ANKS1B: variants seen among roughly 807,000 people sequenced by gnomAD.
ANKS1B encodes ankyrin repeat and sterile alpha motif domain containing 1B, also known as ankyrin repeat and sterile alpha motif domain-containing protein 1B.
In ANKS1B, 36 loss-of-function variants were observed where a neutral mutation model predicts 148.3. The observed-to-expected ratio is 0.24, with a 90% CI of 0.19 to 0.32. ANKS1B has a LOEUF of 0.32. Ranked by LOEUF, ANKS1B falls within the 10% of genes least tolerant of loss-of-function variation. The pLI is 1.00. For synonymous variants in ANKS1B, 542 were observed against 560.8 expected, an observed-to-expected ratio of 0.97 and a Z score of 0.47; for missense variants, 1,157 against 1,542.6, an observed-to-expected ratio of 0.75 and a Z score of 4.19.
intron 12 of ANKS1B, among the ~76,000 whole-genome samples, chr12:99,305,888 C>T (rs2082274426): frequency 6.6e-6 from 1 of 152,148 alleles, no homozygotes; most frequent in Admixed American, 6.6e-5. Context: ...GCAGTGAACT[C>T]CTTTAATGGA....
intron 14 of ANKS1B, among the ~76,000 whole-genome samples, chr12:99,210,000 C>G (rs766032465): frequency 2.0e-5 from 3 of 152,180 alleles, no homozygotes; most frequent in Middle Eastern, 3.2e-3. Context: ...AAAGCTCTCT[C>G]ACCCTAAAAC....
intron 17 of ANKS1B, among the ~76,000 whole-genome samples, chr12:98,979,006 G>A (rs1018885901): frequency 6.6e-6 from 1 of 151,680 alleles, no homozygotes; most frequent in Admixed American, 6.6e-5. Flanking sequence ...GCCAGGCGTG[G>A]TGGCGGGCGC....
chr12:99,688,964 T>C (rs961040321), intron 8 of ANKS1B, among the ~76,000 whole-genome samples: 3 of 152,042 alleles, frequency 2.0e-5, no homozygotes, highest in African/African-American at 7.2e-5. Flanking sequence ...CCATTGTGTA[T>C]AAAAAAATTA....
At chr12:99,929,465 G>A (rs946074796) in intron 1 of ANKS1B, among the ~76,000 whole-genome samples, 3 of 152,098 alleles carry the variant, frequency 2.0e-5, no homozygotes, top group Admixed American at 6.6e-5. Context: ...CACTCTGATG[G>A]TAGTTTCTTT....
rs370624589 is a variant in ANKS1B at position 99,084,970 on chromosome 12, A to G, written c.2580T>C (p.Ser860=). Residue 860 remains serine (S), a synonymous_variant, in exon 16 of 27, where the codon TCT becomes TCC. Coordinates refer to ENST00000683438, the MANE Select transcript of ANKS1B (RefSeq NM_001352186.2). ...CCTGTAGAATTCTTTGTCTGTGCCC[A>G]GAATTAAGGATTCCAATTTCCAACA... ...QDLLEIGILN[S]GHRQRILQAI... is the part of the protein sequence containing the mutation. The G allele has an allele frequency of 2.1e-5, 34 of 1,611,106 alleles. No individual in the cohort carries two copies. Among genetic ancestry groups the G allele is most frequent in the Non-Finnish European group, 2.7e-5 (32 of 1,178,684 alleles).
At chr12:99,742,858 T>G (rs896968999) in intron 8 of ANKS1B, among the ~76,000 whole-genome samples, 18 of 141,438 alleles carry the variant, frequency 1.3e-4, no homozygotes, top group Non-Finnish European at 2.2e-4. Flanking sequence ...AAAAAAAAAA[T>G]GCACACTAGA....
chr12:99,340,359 A>G (rs2089692047), intron 12 of ANKS1B, among the ~76,000 whole-genome samples: 2 of 152,092 alleles, frequency 1.3e-5, no homozygotes, highest in Non-Finnish European at 1.5e-5. Flanking sequence ...CACTCTGCCA[A>G]TTACTAGTTT....
chr12:99,308,899 A>G (rs2082728737), intron 12 of ANKS1B, among the ~76,000 whole-genome samples: 1 of 149,246 alleles, frequency 6.7e-6, no homozygotes. Context: ...TGTATAATAT[A>G]TATAGTATAT....
At chr12:98,923,657 T>C (rs1366659579) in intron 17 of ANKS1B, among the ~76,000 whole-genome samples, 1 of 152,198 alleles carries the variant, frequency 6.6e-6, no homozygotes, top group Non-Finnish European at 1.5e-5. Flanking sequence ...AACCAGCTAG[T>C]TGCTAATCAC....
At position 99,246,710 on chromosome 12, in the gene ANKS1B, A is replaced by G. The variant is rs754815259; in HGVS notation, c.1911T>C (p.Asp637=). 2 of 1,613,962 alleles carry G rather than the reference A, an allele frequency of 1.2e-6. No homozygotes were observed. Among genetic ancestry groups the G allele is most frequent in the Non-Finnish European group, 1.7e-6 (2 of 1,179,880 alleles). The change falls in exon 13 of 27, where the codon GAT becomes GAC. Residue 637 remains aspartate, a synonymous_variant. Coordinates refer to ENST00000683438, the MANE Select transcript of ANKS1B (RefSeq NM_001352186.2). ...GKREQCEKGQ[D]EVSLANSPLP... is the part of the protein sequence containing the mutation. ...AAGGACTGTTTGCCAAACTGACTTC[A>G]TCTTGTCCTTTTTCACATTGTTCTC... is the stretch of plus-strand genomic sequence containing the variant.
chr12:98,783,606 C>T (rs1476145072), intron 22 of ANKS1B, among the ~76,000 whole-genome samples: 3 of 152,134 alleles, frequency 2.0e-5, no homozygotes, highest in Admixed American at 2.0e-4. Context: ...GGTGATTGAG[C>T]TGACTCTTGA....
intron 9 of ANKS1B, chr12:99,648,431 T>C (rs1389564014): frequency 3.1e-6 from 5 of 1,614,032 alleles, no homozygotes; most frequent in African/African-American, 2.7e-5. Flanking sequence ...CCTGATGTCA[T>C]GCTGCTGGCC....
intron 1 of ANKS1B, among the ~76,000 whole-genome samples, chr12:99,893,614 C>A (rs746125697): frequency 6.6e-6 from 1 of 151,986 alleles, no homozygotes; most frequent in Non-Finnish European, 1.5e-5. Flanking sequence ...TATAAATGGT[C>A]AAATCTAATA....
At chr12:99,188,429 G>C (rs552791578) in intron 14 of ANKS1B, among the ~76,000 whole-genome samples, 4 of 152,202 alleles carry the variant, frequency 2.6e-5, no homozygotes, top group Admixed American at 6.5e-5. Context: ...TTCTAAAATT[G>C]ACCATATAAT....
chr12:99,148,740 A>T (rs1381640383), intron 15 of ANKS1B, among the ~76,000 whole-genome samples: 1 of 152,164 alleles, frequency 6.6e-6, no homozygotes. Flanking sequence ...GGCTGTGCCT[A>T]TTATATCTGT....
intron 8 of ANKS1B, among the ~76,000 whole-genome samples, chr12:99,750,076 C>T (rs966912524): frequency 1.3e-4 from 19 of 151,960 alleles, no homozygotes; most frequent in Non-Finnish European, 2.4e-4. Context: ...TTTGTAATCA[C>T]AAAAAGAACA....
chr12:99,359,722 AG>A (rs2092329562), intron 12 of ANKS1B, among the ~76,000 whole-genome samples: 1 of 152,164 alleles, frequency 6.6e-6, no homozygotes, highest in Non-Finnish European at 1.5e-5. Flanking sequence ...ATATGCCTAA[AG>A]AAAACTAATG....
At chr12:99,899,157 G>T (rs1050083872) in intron 1 of ANKS1B, among the ~76,000 whole-genome samples, 1 of 152,118 alleles carries the variant, frequency 6.6e-6, no homozygotes, top group African/African-American at 2.4e-5. Context: ...AGCCCTAGGA[G>T]GGAAGTACTA....
chr12:99,246,328 T>G lies in ANKS1B; in HGVS notation c.2293A>C (p.Ser765Arg). Residue 765 changes from serine (S) to arginine (R), a missense_variant, in exon 13 of 27, where the codon AGT becomes CGT. Coordinates refer to ENST00000683438, the MANE Select transcript of ANKS1B (RefSeq NM_001352186.2). ...GTTCTTTCAGAATTCCCTTTAGAAC[T>G]GTGTTCAGCAGTGGAAGATTCACTC... ...NWSESSTAEH[S>R]SKGNSERTPS... 6.2e-7 allele frequency: 1 copy of G among 1,610,888 alleles called. No homozygotes were observed. The highest frequency in any genetic ancestry group is 8.5e-7 in the Non-Finnish European group (1 of 1,178,708).
Sources: gnomAD v4.1 joint callset for allele counts (sites outside exome capture counted in the v4.1 genomes callset) on GRCh38, gnomAD v4.1.1 for gene constraint, MANE v1.5 for transcripts, NCBI Gene and HGNC (gene_info 2026-07-23, HGNC 2026-07-21) for gene names.